Variants in FSTL5 observed in about 807,000 individuals in gnomAD.
FSTL5 encodes the protein follistatin like 5, also known as follistatin-related protein 5.
FSTL5 carries 62 observed loss-of-function variants against 89.1 expected under a neutral mutation model. That is an observed-to-expected ratio of 0.70 (90% CI 0.57 to 0.86). The LOEUF (loss-of-function observed/expected upper bound fraction) is 0.86. Ranked by LOEUF, FSTL5 falls within the 40% of genes least tolerant of loss-of-function variation. The pLI is 0.00. For synonymous variants in FSTL5, 383 were observed against 346.2 expected (o/e 1.11, Z -1.18); for missense variants, 1,057 against 1,001.6 (o/e 1.06, Z -0.75).
At chr4:161,949,504 T>G (rs777682855) in intron 3 of FSTL5, among the ~76,000 whole-genome samples, 7 of 152,080 alleles carry the variant, frequency 4.6e-5, no homozygotes, top group Non-Finnish European at 1.0e-4. Context: ...TTCAATGGTT[T>G]ACTGCATTTT....
At chr4:162,024,252 T>C (rs1737199279) in intron 3 of FSTL5, among the ~76,000 whole-genome samples, 1 of 152,176 alleles carries the variant, frequency 6.6e-6, no homozygotes. Context: ...ATGGTAACAA[T>C]TGTCATTTTT....
At chr4:162,119,192 A>T (rs1731761925) in intron 1 of FSTL5, among the ~76,000 whole-genome samples, 1 of 151,656 alleles carries the variant, frequency 6.6e-6, no homozygotes, top group Non-Finnish European at 1.5e-5. Context: ...ATACCATTGC[A>T]CTGCAGCCTG....
Position 161,816,409 on chromosome 4 carries a change from G to A in FSTL5, c.410-40335C>T, listed in dbSNP as rs1469888365. ...TTAATTTTCATAGTTTTATATCTTCGTGTATAAAAATTCATGTGGCTGTTG... is the reference window on the plus strand; with the variant it reads ...TTAATTTTCATAGTTTTATATCTTCATGTATAAAAATTCATGTGGCTGTTG... On this transcript the variant is annotated intron_variant, in intron 4 of 15. Transcript: ENST00000306100. 3.9e-5 allele frequency among the ~76,000 whole-genome samples: 6 copies of A among 152,034 alleles called. No individual in the cohort carries two copies. In the South Asian group the frequency reaches 6.2e-4, roughly 16 times the overall value.
intron 13 of FSTL5, 60 bp from the exon 14 acceptor site, chr4:161,459,379 C>A: frequency 6.0e-6 from 6 of 1,007,420 alleles, no homozygotes; most frequent in East Asian, 2.4e-5. Flanking sequence ...TAAAGCTAGG[C>A]CAGAAATTAT....
intron 9 of FSTL5, among the ~76,000 whole-genome samples, chr4:161,541,971 T>C (rs965411606): frequency 6.6e-6 from 1 of 151,924 alleles, no homozygotes; most frequent in African/African-American, 2.4e-5. Context: ...TAATATACAG[T>C]AATTTATTCA....
chr4:162,007,737 ATG>A (rs533530151), intron 3 of FSTL5, among the ~76,000 whole-genome samples: 107 of 152,026 alleles, frequency 7.0e-4, no homozygotes, highest in Non-Finnish European at 1.2e-3. Context: ...CAATGGGTAA[ATG>A]TATCATGGCA....
chr4:161,600,610 G>A (rs1734197728), intron 7 of FSTL5, among the ~76,000 whole-genome samples: 1 of 151,828 alleles, frequency 6.6e-6, no homozygotes, highest in Admixed American at 6.6e-5. Flanking sequence ...TTCCTAAATC[G>A]ACTTGGATTG....
At chr4:161,562,195 T>C (rs1420058137) in intron 8 of FSTL5, among the ~76,000 whole-genome samples, 1 of 152,064 alleles carries the variant, frequency 6.6e-6, no homozygotes, top group Non-Finnish European at 1.5e-5. Context: ...GATCTATGTC[T>C]ATGCTGTGTC....
At chr4:161,746,161 G>T (rs1175011974) in intron 6 of FSTL5, among the ~76,000 whole-genome samples, 2 of 151,308 alleles carry the variant, frequency 1.3e-5, no homozygotes, top group African/African-American at 4.9e-5. Flanking sequence ...TTAATTTGAG[G>T]TTTGAAGTTG....
chr4:161,527,496 A>C (rs982865820), intron 10 of FSTL5, among the ~76,000 whole-genome samples: 17 of 152,200 alleles, frequency 1.1e-4, no homozygotes, highest in Non-Finnish European at 1.9e-4. Context: ...ACATGAACAG[A>C]CACTTCTCAA....
chr4:162,134,070 C>T (rs1262734781), intron 1 of FSTL5, among the ~76,000 whole-genome samples: 1 of 152,176 alleles, frequency 6.6e-6, no homozygotes, highest in Non-Finnish European at 1.5e-5. Flanking sequence ...AACTTTAAAA[C>T]ATGGAATGGG....
intron 6 of FSTL5, among the ~76,000 whole-genome samples, chr4:161,707,745 A>G (rs1738630197): frequency 6.6e-6 from 1 of 151,940 alleles, no homozygotes; most frequent in South Asian, 2.1e-4. Context: ...ATCATAACTA[A>G]TCATCTTTTA....
At chr4:161,993,837 T>C (rs1736209296) in intron 3 of FSTL5, among the ~76,000 whole-genome samples, 1 of 152,184 alleles carries the variant, frequency 6.6e-6, no homozygotes. Context: ...AGTTGTCTAA[T>C]GTGGAATATA....
chr4:161,818,206 T>TA (rs773399379), intron 4 of FSTL5, among the ~76,000 whole-genome samples: 21 of 152,200 alleles, frequency 1.4e-4, no homozygotes, highest in Non-Finnish European at 2.2e-4. Flanking sequence ...AAGCAGTAGA[T>TA]ACGGAGTTTG....
chr4:161,472,411 C>T (rs563259503), intron 13 of FSTL5, among the ~76,000 whole-genome samples: 1 of 151,556 alleles, frequency 6.6e-6, no homozygotes, highest in South Asian at 2.1e-4. Context: ...TTTTTCTTTC[C>T]GTTTTTTTAA....
In FSTL5 at chr4:161,664,956, T is replaced by C. The variant is rs146678207; in HGVS notation, c.728-8462A>G. 110 of 167,398 alleles carry C rather than the reference T, an allele frequency of 6.6e-4. 1 individual carries two copies. The East Asian group carries it at 0.017, about 26-fold the overall frequency. The allele number at this position is 167,398 out of a possible 1,614,324, so 10.4% of individuals were successfully genotyped here. A position where few individuals can be genotyped will look rare whatever the true frequency, so the allele number is the denominator to read the frequency against. ...GTCAGATCTCATGAGACCTATTCAC[T>C]ATCACGAGAATAACACGGGAAAGAC... On this transcript the variant is annotated intron_variant, in intron 6 of 15. Coordinates refer to ENST00000306100, the MANE Select transcript of FSTL5 (RefSeq NM_020116.5).
chr4:161,940,623 C>T (rs183492137), intron 3 of FSTL5, among the ~76,000 whole-genome samples: 41 of 151,668 alleles, frequency 2.7e-4, no homozygotes, highest in Non-Finnish European at 7.4e-5. Flanking sequence ...GTTTAACATG[C>T]TGATATAAAA....
chr4:161,815,034 A>G lies in FSTL5; in HGVS notation c.410-38960T>C, dbSNP rs529438419. On this transcript the variant is annotated intron_variant, in intron 4 of 15. Transcript: ENST00000306100. ...TTGCAGATACTCATTGCCATCATGC[A>G]ATATGTTAAAATAGCATCTTAAAAA... 2.0e-5 allele frequency among the ~76,000 whole-genome samples: 3 copies of G among 152,224 alleles called. No homozygotes were observed. In the South Asian group the frequency reaches 6.2e-4, roughly 32 times the overall value.
At chr4:161,541,197 T>C (rs181296227) in intron 9 of FSTL5, among the ~76,000 whole-genome samples, 1 of 152,212 alleles carries the variant, frequency 6.6e-6, no homozygotes, top group East Asian at 1.9e-4. Flanking sequence ...TTCTCTCCTT[T>C]TATTTTTTGT....
Sources: allele counts gnomAD v4.1 joint callset (sites outside exome capture counted in the v4.1 genomes callset), GRCh38; gene constraint gnomAD v4.1.1; transcripts MANE v1.5; gene names NCBI Gene and HGNC (gene_info 2026-07-23, HGNC 2026-07-21).